Variants in IL17RE observed in about 807,000 individuals in gnomAD.
IL17RE encodes interleukin 17 receptor E.
Under a neutral mutation model 70.7 loss-of-function variants are expected in IL17RE, and 47 were observed. That is an observed-to-expected ratio of 0.67 (90% CI 0.53 to 0.85). The LOEUF is 0.85. Among genes scored for constraint, IL17RE ranks in the 40% least tolerant of loss-of-function variants. The probability of loss-of-function intolerance (pLI) is 0.00; values close to 1 mark genes in which losing one functional copy is unlikely to be tolerated. For synonymous variants in IL17RE, 372 were observed against 381.2 expected (o/e 0.98, Z 0.28); for missense variants, 850 against 893.9 (o/e 0.95, Z 0.63).
At chr3:9,906,684 C>A (rs1408158708) in intron 4 of IL17RE, 22 bp from the exon 5 acceptor site, 2 of 1,613,310 alleles carry the variant, frequency 1.2e-6, no homozygotes, top group Admixed American at 1.7e-5. Context: ...GGCCTGAGGC[C>A]AACCTTGTTC....
intron 13 of IL17RE, 68 bp from the exon 14 acceptor site, chr3:9,914,480 T>G (rs759845900): frequency 1.2e-6 from 2 of 1,601,088 alleles, no homozygotes; most frequent in Admixed American, 3.5e-5. Context: ...CCCAGCTCCA[T>G]GCTTCACTCA....
At chr3:9,913,438 C>T (rs1020655169) in intron 12 of IL17RE, among the ~76,000 whole-genome samples, 3 of 149,014 alleles carry the variant, frequency 2.0e-5, no homozygotes, top group East Asian at 1.9e-4. Context: ...AATAAATAAA[C>T]AAACATAAAA....
intron 6 of IL17RE, among the ~76,000 whole-genome samples, chr3:9,907,666 C>G (rs575654735): frequency 7.9e-5 from 12 of 152,300 alleles, no homozygotes; most frequent in African/African-American, 2.6e-4. Context: ...CTTTTCAGCT[C>G]CCCTAAGAGG....
Position 9,911,105 on chromosome 3 carries a change from G to A in IL17RE, c.979-22G>A, listed in dbSNP as rs184659540. On this transcript the variant is annotated intron_variant, in intron 9 of 15. Transcript: ENST00000383814. ...GGGGCCCAGGAATTTTCTCCCTGAT[G>A]AACTCTCCTCTCCTCCCACAGTGGT... is the stretch of plus-strand genomic sequence containing the variant. 187 of 1,614,100 alleles carry A rather than the reference G, an allele frequency of 1.2e-4. No individual in the cohort carries two copies. The Admixed American group carries it at 1.2e-3, about 10-fold the overall frequency.
intron 2 of IL17RE, 85 bp downstream of exon 2, chr3:9,903,497 G>A (rs1207798360): frequency 1.0e-5 from 15 of 1,464,624 alleles, no homozygotes; most frequent in Non-Finnish European, 1.4e-5. Flanking sequence ...CTAATTTTCA[G>A]TTCCCAACCC....
At position 9,906,498 on chromosome 3, in the gene IL17RE, C is replaced by T. The variant is rs754137844; in HGVS notation, c.366+37C>T. 5 of 1,497,122 alleles carry T rather than the reference C, an allele frequency of 3.3e-6. No homozygotes were observed. In the Admixed American group the frequency reaches 5.0e-5, roughly 15 times the overall value. The allele number at this position is 1,497,122 out of a possible 1,614,324, so 92.7% of individuals were successfully genotyped here. A position where few individuals can be genotyped will look rare whatever the true frequency, so the allele number is the denominator to read the frequency against. On this transcript the variant is annotated intron_variant, in intron 4 of 15. Transcript: ENST00000383814. ...GTCAGTTCCAGCCCTACCTGACGCC[C>T]CACAGACCTTTGCTTTCTGGCCTCT...
intron 11 of IL17RE, 70 bp from the exon 12 acceptor site, chr3:9,911,373 C>T (rs1015693495): frequency 3.1e-6 from 5 of 1,612,858 alleles, no homozygotes; most frequent in Non-Finnish European, 4.2e-6. Flanking sequence ...CCAAGCTAAA[C>T]CCCAGCCCAG....
At chr3:9,903,318 C>T in intron 1 of IL17RE, 79 bp from the exon 2 acceptor site, 2 of 1,521,646 alleles carry the variant, frequency 1.3e-6, no homozygotes, top group Middle Eastern at 1.8e-4. Flanking sequence ...GAAGCAAAGA[C>T]CCCAGGAATG....
Position 9,915,515 on chromosome 3 carries a change from AC to A in IL17RE, c.1717del (p.Arg573AlafsTer78). 2 of 1,317,130 alleles carry A rather than the reference AC, an allele frequency of 1.5e-6. No homozygotes were observed. Among genetic ancestry groups the A allele is most frequent in the Non-Finnish European group, 9.6e-7 (1 of 1,042,094 alleles). 81.6% of individuals were successfully genotyped at this position (1,317,130 alleles called of 1,614,324 possible). A position where few individuals can be genotyped will look rare whatever the true frequency, so the allele number is the denominator to read the frequency against. ...GADLRPVSGP[D>X]PRAAPLLALL... ...GACCTTCGCCCGGTCAGCGGCCCCG[AC>A]CCCCGCGCCGCGCCCCTGCTCGCCC... On this transcript the variant is annotated frameshift_variant, in exon 16 of 16. Transcript: ENST00000383814. LOFTEE classifies it low-confidence loss of function (END_TRUNC). This position sits in a 1 kb window ranked among gnomAD's most constrained non-coding sequence, Gnocchi z 4.9.
intron 3 of IL17RE, among the ~76,000 whole-genome samples, chr3:9,905,338 CCCAGCT>C: frequency 6.6e-6 from 1 of 151,336 alleles, no homozygotes. Context: ...TGCCTGTAAT[CCCAGCT>C]ACTCAGGAGG....
rs2083018476 is a variant in IL17RE, at chr3:9,915,457, C to G, written c.1654C>G (p.Gln552Glu). The change falls in exon 16 of 16, where the codon CAG becomes GAG. Residue 552 changes from glutamine to glutamate, a missense_variant. Transcript: ENST00000383814. The surrounding 1 kb of genome is among the most constrained non-coding windows in gnomAD (Gnocchi z 4.9). The stretch of plus-strand genomic sequence containing the variant: ...GGCGCGGACGCGCGTAGCGCGGGAG[C>G]AGGGCACTGTGCTGCTGCTGTGGAG... ...WAARTRVAREQGTVLLLWSGA... is the reference protein window; with the variant it reads ...WAARTRVAREEGTVLLLWSGA... The G allele has an allele frequency of 2.2e-6, 3 of 1,352,974 alleles. No homozygotes were observed. In the South Asian group the frequency reaches 5.6e-5, roughly 25 times the overall value. The allele number at this position is 1,352,974 out of a possible 1,614,324, so 83.8% of individuals were successfully genotyped here. A position where few individuals can be genotyped will look rare whatever the true frequency, so the allele number is the denominator to read the frequency against.
intron 13 of IL17RE, 107 bp from the exon 14 acceptor site, chr3:9,914,441 T>A: frequency 1.3e-6 from 2 of 1,542,980 alleles, no homozygotes; most frequent in Non-Finnish European, 8.7e-7. Flanking sequence ...CTGGGAAGAA[T>A]TCCCTAGCCA....
chr3:9,907,197 G>T (rs545206761), intron 6 of IL17RE, 97 bp downstream of exon 6: 1 of 1,479,346 alleles, frequency 6.8e-7, no homozygotes, highest in South Asian at 1.2e-5. Flanking sequence ...CCCAGAGAGG[G>T]ATGGTAACTG....
In IL17RE at chr3:9,908,241, A is replaced by G. The variant is rs138815971; in HGVS notation, c.669A>G (p.Lys223=). 6.2e-7 allele frequency: 1 copy of G among 1,613,906 alleles called. No homozygotes were observed. Among genetic ancestry groups the G allele is most frequent in the African/African-American group, 1.3e-5 (1 of 74,912 alleles). The part of the protein sequence containing the change: ...EELSSPYDVQ[K]IVSGGHTVEL... ...TTCCTTTGCTGTTTCATCCACAGAA[A>G]ATTGTGTCTGGGGGCCACACTGTAG... Residue 223 remains lysine (K), a splice_region_variant and synonymous_variant, in exon 7 of 16, where the codon AAA becomes AAG. Coordinates refer to ENST00000383814, the MANE Select transcript of IL17RE (RefSeq NM_153480.2).
chr3:9,903,842 C>T (rs899074379), intron 2 of IL17RE, among the ~76,000 whole-genome samples, 190 bp from the exon 3 acceptor site: 5 of 152,194 alleles, frequency 3.3e-5, no homozygotes, highest in African/African-American at 1.2e-4. Flanking sequence ...GACATTTTCC[C>T]ATACACTACA....
At position 9,911,428 on chromosome 3, in the gene IL17RE, C is replaced by T. The variant is rs932896068; in HGVS notation, c.1073-15C>T. Reference sequence around the variant, plus strand: ...AGCCCAACTCCTATCAACACCCCCACCCCGCCCCAAACAGGGTCTCTCACA... The same window carrying T: ...AGCCCAACTCCTATCAACACCCCCATCCCGCCCCAAACAGGGTCTCTCACA... On this transcript the variant is annotated splice_polypyrimidine_tract_variant and intron_variant, in intron 11 of 15. Transcript: ENST00000383814. 6.2e-7 allele frequency: 1 copy of T among 1,613,664 alleles called. No homozygotes were observed. The highest frequency in any genetic ancestry group is 8.5e-7 in the Non-Finnish European group (1 of 1,179,660).
Position 9,915,795 on chromosome 3 carries a change from A to T in IL17RE, c.1992A>T (p.Ala664=), listed in dbSNP as rs1240805775. The T allele has an allele frequency of 1.3e-6, 2 of 1,532,170 alleles. No individual in the cohort carries two copies. The highest frequency in any genetic ancestry group is 1.7e-6 in the Non-Finnish European group (2 of 1,151,206). 94.9% of individuals were successfully genotyped at this position (1,532,170 alleles called of 1,614,324 possible). ...TCGAACGAGAGGCCGCCCGACTTGC[A>T]GACCTAGGTTGAGCAGAGCTCCACC... The part of the protein sequence containing the change: ...SRLEREAARL[A]DLG The change falls in exon 16 of 16, where the codon GCA becomes GCT. Residue 664 remains alanine (A), a synonymous_variant. Transcript: ENST00000383814. The surrounding 1 kb of genome is among the most constrained non-coding windows in gnomAD (Gnocchi z 4.9).
At chr3:9,907,130 C>G (rs1384768856) in intron 6 of IL17RE, 30 bp downstream of exon 6, 1 of 1,613,514 alleles carries the variant, frequency 6.2e-7, no homozygotes, top group Admixed American at 1.7e-5. Flanking sequence ...TGTAAAAAGC[C>G]CGATCACACA....
At chr3:9,912,787 T>G (rs1459082473) in intron 12 of IL17RE, among the ~76,000 whole-genome samples, 1 of 152,198 alleles carries the variant, frequency 6.6e-6, no homozygotes, top group African/African-American at 2.4e-5. Flanking sequence ...GAGAACCGTG[T>G]GAGCTCAGGA....
Sources: allele counts gnomAD v4.1 joint callset (sites outside exome capture counted in the v4.1 genomes callset), GRCh38; gene constraint gnomAD v4.1.1; non-coding constraint Gnocchi (gnomAD v3.1); transcripts MANE v1.5; gene names NCBI Gene and HGNC (gene_info 2026-07-23, HGNC 2026-07-21).